ZNF395: variants seen among roughly 807,000 people sequenced by gnomAD.
ZNF395 encodes zinc finger protein 395.
ZNF395 carries 20 observed loss-of-function variants against 57.7 expected under a neutral mutation model. The observed-to-expected ratio is 0.35, with a 90% CI of 0.24 to 0.50. The LOEUF (loss-of-function observed/expected upper bound fraction) is 0.50. ZNF395 is among the 20% of genes least tolerant of loss of function. ZNF395 has a pLI of 0.97. For synonymous variants in ZNF395, 295 were observed against 275.9 expected (o/e 1.07, Z -0.69); for missense variants, 606 against 671.2 (o/e 0.90, Z 1.07).
Position 28,351,494 on chromosome 8 carries a change from C to A in ZNF395, c.1233+1G>T, listed in dbSNP as rs776585934. 1 of 1,593,414 alleles carries A rather than the reference C, an allele frequency of 6.3e-7. No individual in the cohort carries two copies. ...AGCCTCCAGCGAGCCCCGCCCCATA[C>A]CTGGTATGCATGATCTGCCTGAATG... On this transcript the variant is annotated splice_donor_variant, in intron 7 of 9. Coordinates refer to ENST00000344423, the MANE Select transcript of ZNF395 (RefSeq NM_018660.3). LOFTEE classifies it high-confidence loss of function.
In ZNF395 at chr8:28,350,188, T is replaced by C. The variant is rs946090003; in HGVS notation, c.1234-32A>G. 4 of 1,565,216 alleles carry C rather than the reference T, an allele frequency of 2.6e-6. No individual in the cohort carries two copies. The Admixed American group carries it at 5.7e-5, about 22-fold the overall frequency. ...AAGACGAGGGTGTCAGCCCGGATTC[T>C]AGCTCAGGAAGTGTTCAGAGTCTGC... On this transcript the variant is annotated intron_variant, in intron 7 of 9. Coordinates refer to ENST00000344423, the MANE Select transcript of ZNF395 (RefSeq NM_018660.3).
chr8:28,352,784 A>C lies in ZNF395; in HGVS notation c.820-111T>G. ...GCTGTCCCCGGCCTGACCCAACAAA[A>C]ACCTCCAGGAAAGGGGTTCTCTGGG... On this transcript the variant is annotated intron_variant, in intron 5 of 9. Coordinates refer to ENST00000344423, the MANE Select transcript of ZNF395 (RefSeq NM_018660.3). The surrounding 1 kb of genome is among the most constrained non-coding windows in gnomAD (Gnocchi z 4.0). 1 of 864,248 alleles carries C rather than the reference A, an allele frequency of 1.2e-6. No homozygotes were observed. The highest frequency in any genetic ancestry group is 1.8e-6 in the Non-Finnish European group (1 of 550,498). 53.5% of individuals were successfully genotyped at this position (864,248 alleles called of 1,614,324 possible). A position where few individuals can be genotyped will look rare whatever the true frequency, so the allele number is the denominator to read the frequency against.
chr8:28,378,194 G>A (rs1020758044), intron 1 of ZNF395, among the ~76,000 whole-genome samples: 2 of 152,028 alleles, frequency 1.3e-5, no homozygotes, highest in African/African-American at 4.8e-5. Flanking sequence ...TTCACAAACT[G>A]AGTTCTGACC....
chr8:28,352,553 G>A lies in ZNF395; in HGVS notation c.920+20C>T, dbSNP rs1415283801. On this transcript the variant is annotated intron_variant, in intron 6 of 9. Coordinates refer to ENST00000344423, the MANE Select transcript of ZNF395 (RefSeq NM_018660.3). The surrounding 1 kb of genome is among the most constrained non-coding windows in gnomAD (Gnocchi z 4.0). ...CACCCACACGCGACCCTAGGCTAGA[G>A]GCCCTGGGCTCGCACATACCCCAGA... is the stretch of plus-strand genomic sequence containing the variant. 6.2e-7 allele frequency: 1 copy of A among 1,607,732 alleles called. No individual in the cohort carries two copies. Among genetic ancestry groups the A allele is most frequent in the Non-Finnish European group, 8.5e-7 (1 of 1,174,450 alleles).
chr8:28,348,777 C>G lies in ZNF395; in HGVS notation c.1484G>C (p.Arg495Pro), dbSNP rs377100628. 1 of 1,614,022 alleles carries G rather than the reference C, an allele frequency of 6.2e-7. No individual in the cohort carries two copies. Among genetic ancestry groups the G allele is most frequent in the African/African-American group, 1.3e-5 (1 of 74,936 alleles). The change falls in exon 10 of 10, where the codon CGG becomes CCG. Residue 495 changes from arginine (R) to proline (P), a missense_variant. Coordinates refer to ENST00000344423, the MANE Select transcript of ZNF395 (RefSeq NM_018660.3). ...KCRKVYGIEH[R>P]DQWCTACRWK... Reference sequence around the variant, plus strand: ...CCGGCAGGCCGTGCACCACTGGTCCCGGTGCTCGATGCCATACACCTTGCG... The same window carrying G: ...CCGGCAGGCCGTGCACCACTGGTCCGGGTGCTCGATGCCATACACCTTGCG...
At chr8:28,358,134 GTTTTTTTCT>G (rs1295637538) in intron 3 of ZNF395, among the ~76,000 whole-genome samples, 8 of 141,620 alleles carry the variant, frequency 5.6e-5, no homozygotes, top group Non-Finnish European at 9.3e-5. Flanking sequence ...TGTTTTGTGG[GTTTTTTTCT>G]TTTTTTTCTT....
In ZNF395 at chr8:28,351,606, G is replaced by C. The variant is rs772840919; in HGVS notation, c.1122C>G (p.Ala374=). 8.1e-6 allele frequency: 13 copies of C among 1,613,620 alleles called. No homozygotes were observed. The East Asian group carries it at 1.1e-4, about 14-fold the overall frequency. ...CAGGATGTTCTGGGCCGGAGGACTG[G>C]GCTTTGTGCAGAGGTGGTGGAAGAG... ...LSALPPPLHK[A]QSSGPEHPGP... Residue 374 remains alanine (A), a synonymous_variant, in exon 7 of 10, where the codon GCC becomes GCG. Coordinates refer to ENST00000344423, the MANE Select transcript of ZNF395 (RefSeq NM_018660.3).
At chr8:28,370,800 G>A (rs1028150344) in intron 1 of ZNF395, among the ~76,000 whole-genome samples, 4 of 152,184 alleles carry the variant, frequency 2.6e-5, no homozygotes, top group Non-Finnish European at 5.9e-5. Context: ...ACTGGACTTA[G>A]TTCAAGGCCA....
intron 1 of ZNF395, among the ~76,000 whole-genome samples, chr8:28,373,478 C>G (rs1025401693): frequency 6.6e-6 from 1 of 151,584 alleles, no homozygotes; most frequent in African/African-American, 2.4e-5. Context: ...CATCATGCTT[C>G]CAAACGCCTC....
intron 1 of ZNF395, among the ~76,000 whole-genome samples, chr8:28,372,735 T>C (rs959499942): frequency 6.6e-6 from 1 of 152,250 alleles, no homozygotes; most frequent in Admixed American, 6.5e-5. Flanking sequence ...TGCAGTGAGT[T>C]GTAATTGTCC....
Position 28,360,932 on chromosome 8 carries a change from G to A in ZNF395, c.193C>T (p.Pro65Ser). ...ACCTGCTGAAGGCCCGAGGTGCTGG[G>A]AGCCTTAAGGACTTCCTTGGGCTGC... ...QEQPKEVLKA[P>S]STSGLQQVAF... Residue 65 changes from proline to serine, a missense_variant, in exon 2 of 10, where the codon CCC becomes TCC. Pro to Ser is a moderately conservative substitution (Grantham distance 74). Coordinates refer to ENST00000344423, the MANE Select transcript of ZNF395 (RefSeq NM_018660.3). The A allele has an allele frequency of 6.2e-7, 1 of 1,613,978 alleles. No individual in the cohort carries two copies. The highest frequency in any genetic ancestry group is 8.5e-7 in the Non-Finnish European group (1 of 1,179,994).
At chr8:28,354,882 G>A (rs1346240304) in intron 4 of ZNF395, among the ~76,000 whole-genome samples, 1 of 151,226 alleles carries the variant, frequency 6.6e-6, no homozygotes, top group Non-Finnish European at 1.5e-5. Flanking sequence ...GGATGCTCAG[G>A]ACTCCGGGAC....
At chr8:28,358,562 A>C (rs1429505745) in intron 3 of ZNF395, among the ~76,000 whole-genome samples, 1 of 151,962 alleles carries the variant, frequency 6.6e-6, no homozygotes, top group Non-Finnish European at 1.5e-5. Context: ...CAGCTTCCTA[A>C]GTAGCTGGGA....
chr8:28,350,519 C>A (rs1468797352), intron 7 of ZNF395, among the ~76,000 whole-genome samples: 1 of 152,238 alleles, frequency 6.6e-6, no homozygotes, highest in Non-Finnish European at 1.5e-5. Flanking sequence ...GTCTAGGGGG[C>A]ATGGCTGGGA....
intron 1 of ZNF395, 130 bp downstream of exon 1, chr8:28,386,263 G>C (rs1802179690): frequency 6.6e-6 from 1 of 151,354 alleles, no homozygotes; most frequent in South Asian, 2.1e-4. Context: ...CGGGAAGGGA[G>C]CGGAGCAGCA....
intron 1 of ZNF395, chr8:28,368,535 T>TG (rs1369395923): frequency 1.3e-5 from 2 of 152,056 alleles, no homozygotes; most frequent in Non-Finnish European, 2.9e-5. Flanking sequence ...TCCCCACAAG[T>TG]GGAGACCCAG....
chr8:28,360,853 C>T (rs201017798), intron 2 of ZNF395, 32 bp downstream of exon 2: 37 of 1,608,044 alleles, frequency 2.3e-5, no homozygotes, highest in East Asian at 1.1e-4. Context: ...ACTGGCAAGA[C>T]GGGACACCTG....
Position 28,352,284 on chromosome 8 carries a change from C to T in ZNF395, c.920+289G>A, listed in dbSNP as rs911862693. 1.3e-5 allele frequency among the ~76,000 whole-genome samples: 2 copies of T among 152,212 alleles called. No individual in the cohort carries two copies. The highest frequency in any genetic ancestry group is 4.8e-5 in the African/African-American group (2 of 41,448). On this transcript the variant is annotated intron_variant, in intron 6 of 9. Transcript: ENST00000344423. This position sits in a 1 kb window ranked among gnomAD's most constrained non-coding sequence, Gnocchi z 4.0. Reference sequence around the variant, plus strand: ...CCACTAAACATCTTGGAAACGGGGTCTCACCAGCAACTAAACCAAATGACC... The same window carrying T: ...CCACTAAACATCTTGGAAACGGGGTTTCACCAGCAACTAAACCAAATGACC...
Position 28,348,703 on chromosome 8 carries a change from G to A in ZNF395, c.*16C>T, listed in dbSNP as rs997018112. The A allele has an allele frequency of 1.2e-6, 2 of 1,611,302 alleles. No individual in the cohort carries two copies. The highest frequency in any genetic ancestry group is 1.7e-6 in the Non-Finnish European group (2 of 1,177,690). On this transcript the variant is annotated 3_prime_UTR_variant, in exon 10 of 10. Coordinates refer to ENST00000344423, the MANE Select transcript of ZNF395 (RefSeq NM_018660.3). The stretch of plus-strand genomic sequence containing the variant: ...TGCCGGCAGGGCCAGGAACAGAGTA[G>A]AACCTGCAGCACAGCTCAGTCCAGA...
Sources: allele counts gnomAD v4.1 joint callset (sites outside exome capture counted in the v4.1 genomes callset), GRCh38; gene constraint gnomAD v4.1.1; non-coding constraint Gnocchi (gnomAD v3.1); transcripts MANE v1.5; gene names NCBI Gene and HGNC (gene_info 2026-07-23, HGNC 2026-07-21).